Variants in GUCY1A2 observed in about 807,000 individuals in gnomAD.
GUCY1A2 encodes guanylate cyclase soluble subunit alpha-2.
A neutral mutation model predicts 63.5 loss-of-function variants in GUCY1A2; 27 were observed. The observed-to-expected ratio is 0.43, with a 90% CI of 0.31 to 0.59. GUCY1A2 has a LOEUF of 0.59. Among genes scored for constraint, GUCY1A2 ranks in the 20% least tolerant of loss-of-function variants. The probability of loss-of-function intolerance (pLI) is 0.11; values close to 1 mark genes in which losing one functional copy is unlikely to be tolerated. For missense variants in GUCY1A2, 768 were observed against 913.3 expected, an observed-to-expected ratio of 0.84 and a Z score of 2.05; for synonymous variants, 364 against 343.5, an observed-to-expected ratio of 1.06 and a Z score of -0.66.
At chr11:106,724,084 T>G (rs1863363131) in intron 6 of GUCY1A2, among the ~76,000 whole-genome samples, 1 of 152,196 alleles carries the variant, frequency 6.6e-6, no homozygotes, top group South Asian at 2.1e-4. Flanking sequence ...ACAAGCTAAC[T>G]TGGGTCAAGT....
chr11:106,840,566 T>C (rs146688824), intron 4 of GUCY1A2, among the ~76,000 whole-genome samples: 2 of 152,076 alleles, frequency 1.3e-5, no homozygotes, highest in African/African-American at 4.8e-5. Context: ...GTAAGTGCTA[T>C]TGCTGACAGA....
intron 4 of GUCY1A2, among the ~76,000 whole-genome samples, chr11:106,829,437 C>T (rs529147484): frequency 8.5e-5 from 13 of 152,234 alleles, no homozygotes; most frequent in South Asian, 2.1e-4. Flanking sequence ...GGCTGAGTGA[C>T]GACAGGCTGA....
chr11:106,736,544 TA>T (rs1863592707), intron 6 of GUCY1A2, among the ~76,000 whole-genome samples: 1 of 152,190 alleles, frequency 6.6e-6, no homozygotes, highest in Non-Finnish European at 1.5e-5. Context: ...CTCTGTAGTA[TA>T]ATTTAAGTCA....
rs1383292061 is a variant in GUCY1A2 at position 106,918,664 on chromosome 11, G to A, written c.1206+20796C>T. Reference sequence around the variant, plus strand: ...AAAATTTATTGGTGACAAGACCTGTGAATCTATTAGATCACTTACCCAGGC... The same window carrying A: ...AAAATTTATTGGTGACAAGACCTGTAAATCTATTAGATCACTTACCCAGGC... On this transcript the variant is annotated intron_variant, in intron 4 of 7. Transcript: ENST00000526355. Among the ~76,000 whole-genome samples, 5 of 145,364 alleles carry A rather than the reference G, an allele frequency of 3.4e-5. 2 individuals are homozygous for A. The highest frequency in any genetic ancestry group is 7.7e-5 in the Non-Finnish European group (5 of 64,748).
intron 4 of GUCY1A2, among the ~76,000 whole-genome samples, chr11:106,927,011 T>C (rs772884869): frequency 4.2e-4 from 63 of 149,218 alleles, no homozygotes; most frequent in Non-Finnish European, 8.4e-4. Flanking sequence ...AAAAATCGTA[T>C]CTACTTAAAA....
chr11:106,916,905 A>G (rs1860377182), intron 4 of GUCY1A2, among the ~76,000 whole-genome samples: 1 of 145,886 alleles, frequency 6.9e-6, no homozygotes, highest in African/African-American at 2.4e-5. Context: ...GAAATTGCAG[A>G]ATTGAATACC....
At chr11:106,759,607 A>AC (rs1015261286) in intron 6 of GUCY1A2, among the ~76,000 whole-genome samples, 4 of 152,064 alleles carry the variant, frequency 2.6e-5, no homozygotes, top group East Asian at 1.9e-4. Context: ...AGTAGGGGGG[A>AC]CCCCCCAATC....
intron 5 of GUCY1A2, among the ~76,000 whole-genome samples, chr11:106,787,914 C>T (rs1431543095): frequency 1.1e-4 from 16 of 152,030 alleles, no homozygotes; most frequent in Admixed American, 1.0e-3. Context: ...AGTAGGATTG[C>T]TGGGTTGTAT....
chr11:107,002,110 G>A (rs1033309654), intron 1 of GUCY1A2, among the ~76,000 whole-genome samples: 1 of 151,884 alleles, frequency 6.6e-6, no homozygotes, highest in Non-Finnish European at 1.5e-5. Context: ...ATAAATCCTT[G>A]CTTGATGAAA....
At position 106,685,188 on chromosome 11, in the gene GUCY1A2, G is replaced by A. The variant is rs947963666; in HGVS notation, c.*2361C>T. The A allele has an allele frequency of 1.5e-5, 3 of 203,118 alleles. No homozygotes were observed. The highest frequency in any genetic ancestry group is 4.6e-5 in the African/African-American group (2 of 43,656). The allele number at this position is 203,118 out of a possible 1,614,324, so 12.6% of individuals were successfully genotyped here. A position where few individuals can be genotyped will look rare whatever the true frequency, so the allele number is the denominator to read the frequency against. On this transcript the variant is annotated 3_prime_UTR_variant, in exon 8 of 8. Transcript: ENST00000526355. Reference sequence around the variant, plus strand: ...GTGATAAATAAGAAATCTCTGGCACGTTCTTCATCGTGACATTTATGGCAA... The same window carrying A: ...GTGATAAATAAGAAATCTCTGGCACATTCTTCATCGTGACATTTATGGCAA...
At chr11:106,998,840 C>A (rs906594248) in intron 1 of GUCY1A2, among the ~76,000 whole-genome samples, 11 of 151,866 alleles carry the variant, frequency 7.2e-5, no homozygotes, top group Non-Finnish European at 1.6e-4. Context: ...AAGTATAATG[C>A]CACATCATCA....
intron 4 of GUCY1A2, among the ~76,000 whole-genome samples, chr11:106,914,453 T>C (rs538922889): frequency 2.0e-5 from 3 of 152,260 alleles, no homozygotes; most frequent in South Asian, 4.1e-4. Context: ...CCTTAACATG[T>C]TGTAAACAGG....
intron 6 of GUCY1A2, among the ~76,000 whole-genome samples, chr11:106,737,328 T>G (rs1243818818): frequency 2.0e-5 from 3 of 152,156 alleles, no homozygotes; most frequent in Non-Finnish European, 4.4e-5. Context: ...GCTTATTCAT[T>G]TGAGGTTTTT....
chr11:106,681,429 A>G lies in GUCY1A2; in HGVS notation c.*6120T>C, dbSNP rs1424062492. Reference sequence around the variant, plus strand: ...TTTATCCATCCTTAACTTCTTCCTTACTATTATATACTACAAAGATCCAAA... The same window carrying G: ...TTTATCCATCCTTAACTTCTTCCTTGCTATTATATACTACAAAGATCCAAA... On this transcript the variant is annotated 3_prime_UTR_variant, in exon 8 of 8. Coordinates refer to ENST00000526355, the MANE Select transcript of GUCY1A2 (RefSeq NM_000855.3). 2 of 223,656 alleles carry G rather than the reference A, an allele frequency of 8.9e-6. No homozygotes were observed. Among genetic ancestry groups the G allele is most frequent in the African/African-American group, 4.5e-5 (2 of 44,826 alleles). The allele number at this position is 223,656 out of a possible 1,614,324, so 13.9% of individuals were successfully genotyped here. A position where few individuals can be genotyped will look rare whatever the true frequency, so the allele number is the denominator to read the frequency against.
At chr11:106,842,057 G>A (rs939978943) in intron 4 of GUCY1A2, among the ~76,000 whole-genome samples, 3 of 151,860 alleles carry the variant, frequency 2.0e-5, no homozygotes, top group Non-Finnish European at 4.4e-5. Context: ...GATGGCAGGT[G>A]ACCAGAGTGG....
intron 7 of GUCY1A2, among the ~76,000 whole-genome samples, chr11:106,692,655 A>T (rs1862644567): frequency 6.6e-6 from 1 of 152,160 alleles, no homozygotes; most frequent in Admixed American, 6.6e-5. Flanking sequence ...ACAGAATTTT[A>T]AAAAAGGGTC....
intron 1 of GUCY1A2, among the ~76,000 whole-genome samples, chr11:107,012,916 T>A (rs1591364123): frequency 6.6e-6 from 1 of 152,334 alleles, no homozygotes; most frequent in East Asian, 1.9e-4. Context: ...TGTCTACATG[T>A]TAGTTACACA....
intron 5 of GUCY1A2, among the ~76,000 whole-genome samples, chr11:106,803,210 T>C (rs1394779774): frequency 6.6e-6 from 1 of 152,176 alleles, no homozygotes; most frequent in Non-Finnish European, 1.5e-5. Flanking sequence ...ATAGTATTGG[T>C]CACAGACATC....
rs1336824816 is a variant in GUCY1A2, at chr11:106,674,545, GCATT to G, written c.*13000_*13003del. On this transcript the variant is annotated 3_prime_UTR_variant, in exon 8 of 8. Transcript: ENST00000526355. The stretch of plus-strand genomic sequence containing the variant: ...AATTAATGGTACAGGTTTAAGAGAT[GCATT>G]CATTTTTTTAAAAAAACAAAAAATA... 5.5e-6 allele frequency: 1 copy of G among 180,760 alleles called. No individual in the cohort carries two copies. Among genetic ancestry groups the G allele is most frequent in the Non-Finnish European group, 1.2e-5 (1 of 85,032 alleles). 11.2% of individuals were successfully genotyped at this position (180,760 alleles called of 1,614,324 possible). A position where few individuals can be genotyped will look rare whatever the true frequency, so the allele number is the denominator to read the frequency against.
Sources: allele counts gnomAD v4.1 joint callset (sites outside exome capture counted in the v4.1 genomes callset), GRCh38; gene constraint gnomAD v4.1.1; transcripts MANE v1.5; gene names NCBI Gene and HGNC (gene_info 2026-07-23, HGNC 2026-07-21).